The following ZBTB7B variants were observed in gnomAD, a reference collection of about 807,000 sequenced individuals.
The protein encoded by ZBTB7B is zinc finger and BTB domain-containing protein 7B.
A neutral mutation model predicts 31.0 loss-of-function variants in ZBTB7B; 8 were observed. That is an observed-to-expected ratio of 0.26 (90% CI 0.15 to 0.47). The LOEUF (loss-of-function observed/expected upper bound fraction) is 0.47. Among genes scored for constraint, ZBTB7B ranks in the 20% least tolerant of loss-of-function variants. The pLI, the probability that ZBTB7B is intolerant of heterozygous loss-of-function variation, is 0.99. For synonymous variants in ZBTB7B, 261 were observed against 307.3 expected (o/e 0.85, Z 1.58); for missense variants, 494 against 742.4 (o/e 0.67, Z 3.89).
upstream of ZBTB7B, among the ~76,000 whole-genome samples, chr1:155,002,007 C>T (rs902781417): frequency 6.6e-6 from 1 of 151,918 alleles, no homozygotes; most frequent in East Asian, 1.9e-4. Flanking sequence ...TCCCTAACCT[C>T]TCATACCCTT....
At chr1:155,015,949 G>A in intron 2 of ZBTB7B, 135 bp downstream of exon 2, 2 of 1,166,512 alleles carry the variant, frequency 1.7e-6, no homozygotes, top group Non-Finnish European at 2.4e-6. Flanking sequence ...TGGGTTACTG[G>A]AGTGAGGAGA....
In ZBTB7B at chr1:155,016,754, A is replaced by G; in HGVS notation, c.*69A>G. ...CCCATGCCAAGCAGTGGGAGCACGC[A>G]GGACAGACACAGCAGGGGTCTGGGG... On this transcript the variant is annotated 3_prime_UTR_variant, in exon 3 of 3. Transcript: ENST00000535420. This position sits in a 1 kb window ranked among gnomAD's most constrained non-coding sequence, Gnocchi z 4.3. 2 of 906,488 alleles carry G rather than the reference A, an allele frequency of 2.2e-6. No homozygotes were observed. Among genetic ancestry groups the G allele is most frequent in the Non-Finnish European group, 3.3e-6 (2 of 600,240 alleles). The allele number at this position is 906,488 out of a possible 1,614,324, so 56.2% of individuals were successfully genotyped here.
At chr1:155,010,586 C>T (rs1658887987) in intron 1 of ZBTB7B, among the ~76,000 whole-genome samples, 1 of 152,074 alleles carries the variant, frequency 6.6e-6, no homozygotes, top group South Asian at 2.1e-4. Flanking sequence ...GCCCCTTTAC[C>T]TTCCCTCCCC....
At chr1:155,005,887 C>T (rs981365806) in intron 1 of ZBTB7B, among the ~76,000 whole-genome samples, 5 of 152,206 alleles carry the variant, frequency 3.3e-5, no homozygotes, top group African/African-American at 4.8e-5. Context: ...AGCGGCCAGG[C>T]GCCAAGGCGG....
chr1:155,013,462 T>C (rs1048683510), intron 1 of ZBTB7B, among the ~76,000 whole-genome samples: 8 of 152,224 alleles, frequency 5.3e-5, no homozygotes, highest in African/African-American at 1.9e-4. Context: ...AGAAATGACT[T>C]TCCCAAGGTC....
chr1:155,014,865 G>A lies in ZBTB7B; in HGVS notation c.205G>A (p.Gly69Arg), dbSNP rs141758018. Residue 69 changes from glycine (G) to arginine (R), a missense_variant, in exon 2 of 3, where the codon GGA becomes AGA. Physicochemically the swap from Gly to Arg is moderately radical, Grantham distance 125. Transcript: ENST00000535420. ...FKKLFTEGGG[G>R]AVMGAGGSGT... ...GAAGCTTTTCACTGAGGGCGGTGGC[G>A]GAGCTGTCATGGGGGCCGGGGGTAG... The A allele has an allele frequency of 3.2e-4, 518 of 1,614,072 alleles. 1 individual carries two copies. The highest frequency in any genetic ancestry group is 4.2e-4 in the Non-Finnish European group (501 of 1,180,042).
At chr1:155,007,139 C>A (rs1658606079) in intron 1 of ZBTB7B, among the ~76,000 whole-genome samples, 1 of 152,228 alleles carries the variant, frequency 6.6e-6, no homozygotes, top group Admixed American at 6.5e-5. Context: ...CCACTTTATT[C>A]TTGCTATCGC....
chr1:155,005,607 T>C (rs1427535877), intron 1 of ZBTB7B, among the ~76,000 whole-genome samples: 1 of 152,232 alleles, frequency 6.6e-6, no homozygotes, highest in East Asian at 1.9e-4. Flanking sequence ...TTCCTGCCTC[T>C]GCCCCGCTTG....
chr1:155,008,966 G>A (rs1038019447), intron 1 of ZBTB7B, among the ~76,000 whole-genome samples: 22 of 152,204 alleles, frequency 1.4e-4, no homozygotes, highest in Non-Finnish European at 2.1e-4. Flanking sequence ...AGGAGTTGCC[G>A]CCAGGCCCCT....
intron 1 of ZBTB7B, among the ~76,000 whole-genome samples, chr1:155,005,331 G>C (rs1658498572): frequency 6.6e-6 from 1 of 152,186 alleles, no homozygotes; most frequent in South Asian, 2.1e-4. Context: ...CCCATTCCAA[G>C]CCAAGGCTGA....
In ZBTB7B at chr1:155,015,290, A is replaced by G. The variant is rs779733096; in HGVS notation, c.630A>G (p.Gln210=). 5.0e-6 allele frequency: 8 copies of G among 1,613,070 alleles called. 1 individual carries two copies. Among genetic ancestry groups the G allele is most frequent in the Non-Finnish European group, 5.1e-6 (6 of 1,179,538 alleles). ...RSRKPRKAFL[Q]TKGARANHLV... ...GCAAGCCCCGGAAAGCTTTCCTGCAAACCAAGGGGGCCAGAGCAAACCACC... is the reference window on the plus strand; with the variant it reads ...GCAAGCCCCGGAAAGCTTTCCTGCAGACCAAGGGGGCCAGAGCAAACCACC... The change falls in exon 2 of 3, where the codon CAA becomes CAG. Residue 210 remains glutamine (Q), a synonymous_variant. Transcript: ENST00000535420.
At position 155,016,768 on chromosome 1, in the gene ZBTB7B, A is replaced by G. The variant is rs779537789; in HGVS notation, c.*83A>G. 5 of 800,950 alleles carry G rather than the reference A, an allele frequency of 6.2e-6. No homozygotes were observed. The highest frequency in any genetic ancestry group is 9.9e-6 in the Non-Finnish European group (5 of 506,508). 49.6% of individuals were successfully genotyped at this position (800,950 alleles called of 1,614,324 possible). On this transcript the variant is annotated 3_prime_UTR_variant, in exon 3 of 3. Transcript: ENST00000535420. This position sits in a 1 kb window ranked among gnomAD's most constrained non-coding sequence, Gnocchi z 4.3. ...TGGGAGCACGCAGGACAGACACAGC[A>G]GGGGTCTGGGGCACGGAGCCTTGCT...
intron 1 of ZBTB7B, 49 bp from the exon 2 acceptor site, chr1:155,014,606 A>G: frequency 2.6e-6 from 4 of 1,544,690 alleles, no homozygotes. Context: ...CTTTCCCCAG[A>G]CCCCTGTGGG....
chr1:155,017,309 A>G lies in ZBTB7B; in HGVS notation c.*624A>G, dbSNP rs1325805822. On this transcript the variant is annotated 3_prime_UTR_variant, in exon 3 of 3. Transcript: ENST00000535420. The stretch of plus-strand genomic sequence containing the variant: ...CCGGCGCTGAGTCATGGGGTCGTGG[A>G]GAAGGGGGCGGGGTGGCCTGATTGG... The G allele has an allele frequency of 1.5e-5, 2 of 133,708 alleles. No individual in the cohort carries two copies. Among genetic ancestry groups the G allele is most frequent in the South Asian group, 2.2e-4 (1 of 4,470 alleles). The allele number at this position is 133,708 out of a possible 1,614,324, so 8.3% of individuals were successfully genotyped here.
At chr1:155,009,417 C>T (rs1289192941) in intron 1 of ZBTB7B, among the ~76,000 whole-genome samples, 1 of 152,094 alleles carries the variant, frequency 6.6e-6, no homozygotes, top group African/African-American at 2.4e-5. Context: ...ACCCTGGCAC[C>T]TTGTGCGGTC....
chr1:155,015,944 T>C, intron 2 of ZBTB7B, 130 bp downstream of exon 2: 1 of 1,215,598 alleles, frequency 8.2e-7, no homozygotes, highest in Non-Finnish European at 1.1e-6. Context: ...ATGGGTGGGT[T>C]ACTGGAGTGA....
intron 1 of ZBTB7B, among the ~76,000 whole-genome samples, chr1:155,005,509 C>T (rs1658508616): frequency 6.6e-6 from 1 of 152,192 alleles, no homozygotes; most frequent in African/African-American, 2.4e-5. Context: ...ATTCTTCTGG[C>T]CCAAGACCAA....
chr1:155,017,346 C>CTGGGGGCAGTA lies in ZBTB7B; in HGVS notation c.*662_*672dup, dbSNP rs1558093542. On this transcript the variant is annotated 3_prime_UTR_variant, in exon 3 of 3. Coordinates refer to ENST00000535420, the MANE Select transcript of ZBTB7B (RefSeq NM_001256455.2). ...GGTGGCCTGATTGGCTCGCCTGCCCCTGGGGGCAGTAGAGGGGCCCCGCCC... is the reference window on the plus strand; with the variant it reads ...GGTGGCCTGATTGGCTCGCCTGCCCCTGGGGGCAGTATGGGGGCAGTAGAGGGGCCCCGCCC... 1.0e-5 allele frequency: 1 copy of CTGGGGGCAGTA among 98,274 alleles called. No individual in the cohort carries two copies. Among genetic ancestry groups the CTGGGGGCAGTA allele is most frequent in the Non-Finnish European group, 2.5e-5 (1 of 39,220 alleles). 6.1% of individuals were successfully genotyped at this position (98,274 alleles called of 1,614,324 possible). A position where few individuals can be genotyped will look rare whatever the true frequency, so the allele number is the denominator to read the frequency against.
rs909461104 is a variant in ZBTB7B at position 155,016,008 on chromosome 1, C to T, written c.1154+194C>T. On this transcript the variant is annotated intron_variant, in intron 2 of 2. Transcript: ENST00000535420. This position sits in a 1 kb window ranked among gnomAD's most constrained non-coding sequence, Gnocchi z 4.3. ...GGGTGGATCTGGAGCATGGAGGATTCGGTGCCCAGGAGGGCAGTGCTGGAA... is the reference window on the plus strand; with the variant it reads ...GGGTGGATCTGGAGCATGGAGGATTTGGTGCCCAGGAGGGCAGTGCTGGAA... Among the ~76,000 whole-genome samples, 4 of 152,086 alleles carry T rather than the reference C, an allele frequency of 2.6e-5. No homozygotes were observed. Among genetic ancestry groups the T allele is most frequent in the African/African-American group, 7.2e-5 (3 of 41,400 alleles).
Sources: allele counts gnomAD v4.1 joint callset (sites outside exome capture counted in the v4.1 genomes callset), GRCh38; gene constraint gnomAD v4.1.1; non-coding constraint Gnocchi (gnomAD v3.1); transcripts MANE v1.5; gene names NCBI Gene and HGNC (gene_info 2026-07-23, HGNC 2026-07-21).